Variants in GABRB2 observed in about 807,000 individuals in gnomAD.
GABRB2 encodes the protein gamma-aminobutyric acid receptor subunit beta-2.
Under a neutral mutation model 54.7 loss-of-function variants are expected in GABRB2, and 16 were observed. The ratio of observed to expected loss-of-function variants is 0.29; its 90% confidence interval spans 0.20 to 0.44. The LOEUF is 0.44. GABRB2 is among the 20% of genes least tolerant of loss of function. The pLI is 1.00. For synonymous variants in GABRB2, 244 were observed against 233.8 expected, an observed-to-expected ratio of 1.04 and a Z score of -0.40; for missense variants, 355 against 644.0, an observed-to-expected ratio of 0.55 and a Z score of 4.86.
chr5:161,310,020 G>T (rs1355270331), intron 9 of GABRB2, among the ~76,000 whole-genome samples: 1 of 152,208 alleles, frequency 6.6e-6, no homozygotes, highest in African/African-American at 2.4e-5. Context: ...CAGGGACATG[G>T]ATGGAGCTGG....
At chr5:161,455,582 G>A (rs1181738181) in intron 4 of GABRB2, among the ~76,000 whole-genome samples, 1 of 147,998 alleles carries the variant, frequency 6.8e-6, no homozygotes. Flanking sequence ...CCAGGCTGTA[G>A]CGCAGTGGCA....
At chr5:161,406,931 G>A (rs1352755461) in intron 5 of GABRB2, among the ~76,000 whole-genome samples, 1 of 152,044 alleles carries the variant, frequency 6.6e-6, no homozygotes, top group Non-Finnish European at 1.5e-5. Context: ...GGCTGAGATT[G>A]ACTGAGAAAT....
At chr5:161,310,026 G>A (rs1461221598) in intron 9 of GABRB2, among the ~76,000 whole-genome samples, 1 of 152,138 alleles carries the variant, frequency 6.6e-6, no homozygotes, top group Non-Finnish European at 1.5e-5. Flanking sequence ...CATGGATGGA[G>A]CTGGAGGCCA....
chr5:161,414,550 C>A lies in GABRB2; in HGVS notation c.459-3493G>T, dbSNP rs958736354. On this transcript the variant is annotated intron_variant, in intron 4 of 9. Transcript: ENST00000393959. ...AATAGCTTCCCAACACATAAATATG[C>A]AAAATAAATAATTACTCCCTACATA... Among the ~76,000 whole-genome samples the A allele has an allele frequency of 3.3e-5, 5 of 151,960 alleles. No individual in the cohort carries two copies. The South Asian group carries it at 1.0e-3, about 32-fold the overall frequency.
intron 5 of GABRB2, among the ~76,000 whole-genome samples, chr5:161,381,971 C>G (rs1011393084): frequency 6.6e-6 from 1 of 152,068 alleles, no homozygotes; most frequent in Non-Finnish European, 1.5e-5. Context: ...TATTATGAAC[C>G]AGTTACATTA....
At chr5:161,397,292 G>C (rs1164099382) in intron 5 of GABRB2, among the ~76,000 whole-genome samples, 1 of 152,146 alleles carries the variant, frequency 6.6e-6, no homozygotes, top group East Asian at 1.9e-4. Flanking sequence ...ATTCAAAGCA[G>C]CCACAATGTT....
rs868096872 is a variant in GABRB2 at position 161,376,580 on chromosome 5, A to G, written c.541+34395T>C. 2.0e-5 allele frequency among the ~76,000 whole-genome samples: 3 copies of G among 152,144 alleles called. No individual in the cohort carries two copies. In the South Asian group the frequency reaches 6.2e-4, roughly 31 times the overall value. On this transcript the variant is annotated intron_variant, in intron 5 of 9. Transcript: ENST00000393959. ...AAACTTTTGGTTTCATGTGCTGTTC[A>G]TGTAAGGATATTTATGTGCTGCTGG...
intron 5 of GABRB2, among the ~76,000 whole-genome samples, chr5:161,355,148 G>T (rs776588863): frequency 6.6e-5 from 10 of 151,346 alleles, no homozygotes; most frequent in Non-Finnish European, 1.5e-4. Context: ...TATTTCCTTG[G>T]TTGATTTTCT....
intron 5 of GABRB2, among the ~76,000 whole-genome samples, chr5:161,340,429 T>C (rs1022346776): frequency 1.3e-5 from 2 of 152,070 alleles, no homozygotes; most frequent in Non-Finnish European, 2.9e-5. Context: ...TGCATTTTTA[T>C]TTCTGCCTCT....
At chr5:161,433,461 A>G (rs1456422897) in intron 4 of GABRB2, among the ~76,000 whole-genome samples, 3 of 142,222 alleles carry the variant, frequency 2.1e-5, no homozygotes, top group Non-Finnish European at 1.5e-5. Context: ...AAAAAAAAAA[A>G]TAGTCGGGCA....
intron 3 of GABRB2, among the ~76,000 whole-genome samples, chr5:161,485,214 C>T (rs1220295055): frequency 6.6e-6 from 1 of 151,934 alleles, no homozygotes; most frequent in Non-Finnish European, 1.5e-5. Context: ...AGACGCCTTC[C>T]AGTATACTGT....
chr5:161,294,536 G>A (rs758799148), intron 9 of GABRB2, 108 bp from the exon 10 acceptor site: 42 of 878,760 alleles, frequency 4.8e-5, no homozygotes, highest in African/African-American at 8.4e-5. Flanking sequence ...GAGTGGTAAA[G>A]AGAGCTACCT....
At chr5:161,505,865 C>A (rs1759590490) in intron 3 of GABRB2, among the ~76,000 whole-genome samples, 3 of 152,072 alleles carry the variant, frequency 2.0e-5, no homozygotes, top group African/African-American at 7.2e-5. Flanking sequence ...AACTTATTTC[C>A]TTTCAGCACT....
intron 3 of GABRB2, among the ~76,000 whole-genome samples, chr5:161,530,837 G>C (rs1009773414): frequency 1.3e-5 from 2 of 152,098 alleles, no homozygotes; most frequent in Non-Finnish European, 2.9e-5. Flanking sequence ...GTAAACACTT[G>C]TGAGCATTCT....
chr5:161,466,815 T>C (rs1165279101), intron 3 of GABRB2, among the ~76,000 whole-genome samples: 1 of 152,060 alleles, frequency 6.6e-6, no homozygotes, highest in African/African-American at 2.4e-5. Flanking sequence ...TGGTTTCCAA[T>C]ATGCATTTTT....
intron 3 of GABRB2, among the ~76,000 whole-genome samples, chr5:161,462,022 C>A (rs888171542): frequency 6.6e-6 from 1 of 152,104 alleles, no homozygotes; most frequent in African/African-American, 2.4e-5. Context: ...TTCATGGGAA[C>A]AACGTAACTC....
intron 3 of GABRB2, among the ~76,000 whole-genome samples, chr5:161,500,845 T>C (rs1462853888): frequency 1.3e-5 from 2 of 152,156 alleles, no homozygotes; most frequent in East Asian, 1.9e-4. Context: ...TTTTCTTTTA[T>C]TATTATACTT....
chr5:161,462,619 A>G (rs939898286), intron 3 of GABRB2, among the ~76,000 whole-genome samples: 3 of 152,148 alleles, frequency 2.0e-5, no homozygotes, highest in Non-Finnish European at 4.4e-5. Flanking sequence ...ACAGGAAACT[A>G]TCTTATCTTT....
At chr5:161,389,707 T>C (rs548619311) in intron 5 of GABRB2, among the ~76,000 whole-genome samples, 2 of 151,902 alleles carry the variant, frequency 1.3e-5, no homozygotes, top group Non-Finnish European at 2.9e-5. Context: ...GAAATCTTTT[T>C]TCTAAAAAGT....
Sources: allele counts gnomAD v4.1 joint callset (sites outside exome capture counted in the v4.1 genomes callset), GRCh38; gene constraint gnomAD v4.1.1; transcripts MANE v1.5; gene names NCBI Gene and HGNC (gene_info 2026-07-23, HGNC 2026-07-21).